Variants in PCM1 observed in about 807,000 individuals in gnomAD.
The protein encoded by PCM1 is pericentriolar material 1, also known as pericentriolar material 1 protein.
Under a neutral mutation model 241.9 loss-of-function variants are expected in PCM1, and 157 were observed. That is an observed-to-expected ratio of 0.65 (90% CI 0.57 to 0.74). The LOEUF (loss-of-function observed/expected upper bound fraction) is 0.74, where lower values mean the gene tolerates loss of function less well. Among genes scored for constraint, PCM1 ranks in the 30% least tolerant of loss-of-function variants. PCM1 has a pLI of 0.00. For missense variants in PCM1, 3,478 were observed against 2,360.1 expected (o/e 1.47, Z -9.81); for synonymous variants, 1,085 against 784.9 (o/e 1.38, Z -6.39).
intron 36 of PCM1, among the ~76,000 whole-genome samples, chr8:18,018,852 GTATA>G (rs71519940): frequency 0.01 from 562 of 53,718 alleles, 28 homozygotes; most frequent in Admixed American, 0.085. Context: ...GTGTGTGTGT[GTATA>G]TATATATATA....
intron 9 of PCM1, among the ~76,000 whole-genome samples, chr8:17,954,121 ACAC>A (rs2067110383): frequency 6.6e-6 from 1 of 152,152 alleles, no homozygotes; most frequent in Non-Finnish European, 1.5e-5. Context: ...TCCTTTACAA[ACAC>A]ATGAATACAA....
chr8:17,933,072 C>A (rs555361756), intron 2 of PCM1, among the ~76,000 whole-genome samples: 2 of 152,264 alleles, frequency 1.3e-5, no homozygotes, highest in South Asian at 4.1e-4. Context: ...CTAAATGTAT[C>A]TTTTTCAAAT....
At chr8:17,967,305 CTT>C (rs71304948) in intron 21 of PCM1, 135 bp downstream of exon 21, 830 of 509,780 alleles carry the variant, frequency 1.6e-3, no homozygotes, top group South Asian at 2.5e-3. Flanking sequence ...GTTACAAACT[CTT>C]TTTTTTTTTT....
intron 23 of PCM1, among the ~76,000 whole-genome samples, chr8:17,976,680 C>G (rs1266014923): frequency 2.6e-5 from 4 of 152,122 alleles, no homozygotes; most frequent in Non-Finnish European, 5.9e-5. Flanking sequence ...AGTGGAGGCT[C>G]AAGTAGAAGT....
In PCM1 at chr8:17,928,695, T is replaced by A. The variant is rs431961; in HGVS notation, c.-23+3915T>A. ...TTGCCCAGGCTGAGTGCAATGGCAC[T>A]ATCTCCGCTCACTGTAACCTCTGCC... is the stretch of plus-strand genomic sequence containing the variant. On this transcript the variant is annotated intron_variant, in intron 2 of 38. Transcript: ENST00000325083. Among the ~76,000 whole-genome samples, 1,037 of 146,634 alleles carry A rather than the reference T, an allele frequency of 7.1e-3. 18 individuals carry two copies. The highest frequency in any genetic ancestry group is 0.025 in the African/African-American group (984 of 39,564).
At chr8:18,011,141 T>C (rs778137186) in intron 32 of PCM1, 96 bp from the exon 33 acceptor site, 9 of 769,006 alleles carry the variant, frequency 1.2e-5, no homozygotes, top group Non-Finnish European at 1.7e-5. Flanking sequence ...TTGTATTTTT[T>C]ATTAGATAAT....
At chr8:18,004,562 GC>G (rs1424200101) in intron 29 of PCM1, among the ~76,000 whole-genome samples, 5 of 152,118 alleles carry the variant, frequency 3.3e-5, no homozygotes, top group Non-Finnish European at 7.4e-5. Flanking sequence ...AGTGTCTGAG[GC>G]CAGTAAAGAG....
intron 31 of PCM1, 57 bp from the exon 32 acceptor site, chr8:18,010,552 G>A: frequency 7.6e-7 from 1 of 1,310,944 alleles, no homozygotes. Flanking sequence ...CATGAGAAAT[G>A]CTAAATTATG....
At chr8:18,008,716 C>T (rs2091959625) in intron 30 of PCM1, among the ~76,000 whole-genome samples, 1 of 152,036 alleles carries the variant, frequency 6.6e-6, no homozygotes, top group African/African-American at 2.4e-5. Context: ...TCTTTTCTGC[C>T]CCCTGATCTG....
intron 27 of PCM1, 118 bp downstream of exon 27, chr8:17,990,097 GT>G: frequency 1.4e-6 from 1 of 723,890 alleles, no homozygotes; most frequent in Non-Finnish European, 2.1e-6. Flanking sequence ...TTGAAAGAAT[GT>G]GGACTTAATT....
chr8:17,968,762 GTA>G (rs1554688770), intron 21 of PCM1, among the ~76,000 whole-genome samples: 5,134 of 136,648 alleles, frequency 0.038, 107 homozygotes, highest in African/African-American at 0.055. Flanking sequence ...GTGTGTGTGT[GTA>G]TATATATATA....
intron 17 of PCM1, 123 bp from the exon 18 acceptor site, chr8:17,964,445 T>A (rs1304207260): frequency 3.0e-6 from 2 of 669,454 alleles, no homozygotes; most frequent in Non-Finnish European, 5.0e-6. Flanking sequence ...TTATTGTGAT[T>A]AAATGAAATT....
intron 24 of PCM1, among the ~76,000 whole-genome samples, chr8:17,984,413 G>A (rs963829127): frequency 6.6e-6 from 1 of 151,836 alleles, no homozygotes; most frequent in Non-Finnish European, 1.5e-5. Context: ...TTAAAACTAC[G>A]AGAACTTTAG....
At chr8:17,984,203 AAT>A (rs1160249562) in intron 24 of PCM1, among the ~76,000 whole-genome samples, 1 of 152,106 alleles carries the variant, frequency 6.6e-6, no homozygotes, top group Non-Finnish European at 1.5e-5. Context: ...AGAGGTATTA[AAT>A]ATGTCATTAA....
At chr8:18,021,145 T>C (rs1287815509) in intron 36 of PCM1, among the ~76,000 whole-genome samples, 1 of 152,166 alleles carries the variant, frequency 6.6e-6, no homozygotes, top group African/African-American at 2.4e-5. Flanking sequence ...AATGGAATCT[T>C]AAAGGTTGCA....
chr8:17,981,317 G>A (rs2080705673), intron 24 of PCM1, among the ~76,000 whole-genome samples: 1 of 152,034 alleles, frequency 6.6e-6, no homozygotes. Context: ...TTTCTCTGCT[G>A]GACTCTTAAT....
chr8:17,957,807 T>G, intron 13 of PCM1, 32 bp downstream of exon 13: 3 of 1,439,084 alleles, frequency 2.1e-6, no homozygotes, highest in Non-Finnish European at 2.9e-6. Context: ...AAAAACCTAT[T>G]TGTCAAATAG....
chr8:17,983,251 T>TA (rs1238483215), intron 24 of PCM1: 1 of 1,323,822 alleles, frequency 7.6e-7, no homozygotes, highest in East Asian at 4.1e-5. Flanking sequence ...AGGAGAATAC[T>TA]ACAGCAGTCT....
chr8:18,024,343 G>T (rs1229558454), intron 36 of PCM1, among the ~76,000 whole-genome samples: 1 of 152,052 alleles, frequency 6.6e-6, no homozygotes, highest in Non-Finnish European at 1.5e-5. Context: ...TTCCAGTCTG[G>T]GCAACAGAGT....
Sources: gnomAD v4.1 joint callset for allele counts (sites outside exome capture counted in the v4.1 genomes callset) on GRCh38, gnomAD v4.1.1 for gene constraint, MANE v1.5 for transcripts, NCBI Gene and HGNC (gene_info 2026-07-23, HGNC 2026-07-21) for gene names.